PDHX: variants seen among roughly 807,000 people sequenced by gnomAD.
The protein encoded by PDHX is pyruvate dehydrogenase protein X component, mitochondrial.
In PDHX, 33 loss-of-function variants were observed where a neutral mutation model predicts 55.3. The ratio of observed to expected loss-of-function variants is 0.60; its 90% CI spans 0.45 to 0.80. The LOEUF (loss-of-function observed/expected upper bound fraction) is 0.80. Ranked by LOEUF, PDHX falls within the 30% of genes least tolerant of loss-of-function variation. The pLI is 0.00. For synonymous variants in PDHX, 226 were observed against 219.4 expected (o/e 1.03, Z -0.27); for missense variants, 622 against 619.9 (o/e 1.00, Z -0.04).
intron 3 of PDHX, among the ~76,000 whole-genome samples, chr11:34,955,372 G>A (rs1372943265): frequency 2.0e-5 from 3 of 152,108 alleles, no homozygotes; most frequent in Admixed American, 6.5e-5. Context: ...ACCTCTGAAA[G>A]ATCTCTGCAC....
At chr11:34,923,111 G>T (rs983777248) in intron 1 of PDHX, among the ~76,000 whole-genome samples, 3 of 151,944 alleles carry the variant, frequency 2.0e-5, no homozygotes, top group Non-Finnish European at 4.4e-5. Flanking sequence ...AAAAATTCTG[G>T]CTAACCTCTT....
intron 7 of PDHX, among the ~76,000 whole-genome samples, chr11:34,975,790 G>A (rs941788498): frequency 6.6e-6 from 1 of 152,130 alleles, no homozygotes; most frequent in African/African-American, 2.4e-5. Flanking sequence ...TTACGATTTT[G>A]TAATTTATCC....
intron 10 of PDHX, 51 bp from the exon 11 acceptor site, chr11:34,994,863 G>A: frequency 6.2e-7 from 1 of 1,605,844 alleles, no homozygotes; most frequent in South Asian, 1.1e-5. Flanking sequence ...CACGGAAAGG[G>A]GACTTTGATT....
At chr11:34,964,017 C>G (rs1339459630) in intron 5 of PDHX, among the ~76,000 whole-genome samples, 1 of 152,028 alleles carries the variant, frequency 6.6e-6, no homozygotes, top group Non-Finnish European at 1.5e-5. Context: ...CATGTCACAC[C>G]CAAATGAATT....
At chr11:34,952,575 A>G (rs573832707) in intron 3 of PDHX, among the ~76,000 whole-genome samples, 2 of 151,866 alleles carry the variant, frequency 1.3e-5, no homozygotes, top group East Asian at 1.9e-4. Context: ...TATACACAGA[A>G]CCAAAGACAA....
chr11:34,995,955 G>A lies in PDHX; in HGVS notation c.*783G>A, dbSNP rs751318367. 4.6e-5 allele frequency: 7 copies of A among 152,120 alleles called. No individual in the cohort carries two copies. The highest frequency in any genetic ancestry group is 7.4e-5 in the Non-Finnish European group (5 of 67,988). The allele number at this position is 152,120 out of a possible 1,614,324, so 9.4% of individuals were successfully genotyped here. ...GAGTCGGAATATATTTAAATAAATT[G>A]TGTTATCTCTTGCCAAACATTTTGT... On this transcript the variant is annotated 3_prime_UTR_variant, in exon 11 of 11. Transcript: ENST00000227868.
chr11:34,986,322 A>AAAAAG (rs1855641905), intron 9 of PDHX, among the ~76,000 whole-genome samples: 1 of 147,428 alleles, frequency 6.8e-6, no homozygotes. Context: ...AAAAAAAAAA[A>AAAAAG]AAAAGAAAGG....
At position 34,960,480 on chromosome 11, in the gene PDHX, G is replaced by A; in HGVS notation, c.603G>A (p.Gln201=). 1 of 1,613,200 alleles carries A rather than the reference G, an allele frequency of 6.2e-7. No homozygotes were observed. Among genetic ancestry groups the A allele is most frequent in the Non-Finnish European group, 8.5e-7 (1 of 1,179,388 alleles). ...ILEKHSLDAS[Q]GTATGPRGIF... ...AAAAACACTCACTGGATGCTAGCCA[G>A]GGCACAGCCACTGGCCCTCGGGGGA... Residue 201 remains glutamine, a synonymous_variant, in exon 5 of 11, where the codon CAG becomes CAA. Transcript: ENST00000227868.
chr11:34,922,896 GTGTA>G (rs879332472), intron 1 of PDHX, among the ~76,000 whole-genome samples: 25 of 65,544 alleles, frequency 3.8e-4, no homozygotes, highest in African/African-American at 8.9e-4. Context: ...GTGTGTGTGT[GTGTA>G]TGTATTCTTT....
chr11:34,916,457 T>C, upstream of PDHX: 1 of 1,461,886 alleles, frequency 6.8e-7, no homozygotes. Flanking sequence ...CCGGCTGAGA[T>C]ATCCAGCGGC....
At chr11:34,931,218 T>TA (rs1366989506) in intron 1 of PDHX, among the ~76,000 whole-genome samples, 186 bp from the exon 2 acceptor site, 3 of 152,190 alleles carry the variant, frequency 2.0e-5, no homozygotes, top group Non-Finnish European at 2.9e-5. Context: ...TTTGTGGTTA[T>TA]AAAAAATTGA....
chr11:34,985,225 G>C (rs929841797), intron 9 of PDHX, among the ~76,000 whole-genome samples: 1 of 152,158 alleles, frequency 6.6e-6, no homozygotes, highest in Non-Finnish European at 1.5e-5. Context: ...GGTGGATCCC[G>C]AGGTCAGGAG....
chr11:34,977,906 A>G, intron 7 of PDHX: 1 of 587,528 alleles, frequency 1.7e-6, no homozygotes, highest in Admixed American at 2.3e-5. Context: ...CAAGGCCCAG[A>G]AGTAAACTTA....
intron 1 of PDHX, among the ~76,000 whole-genome samples, chr11:34,924,491 G>T (rs1175062243): frequency 6.6e-6 from 1 of 152,170 alleles, no homozygotes; most frequent in Non-Finnish European, 1.5e-5. Flanking sequence ...AAAGTGCTGG[G>T]ATTACAGGCA....
chr11:34,994,973 A>G lies in PDHX; in HGVS notation c.1307A>G (p.Gln436Arg). ...TTTACTGCAGTGATTAACCCTCCTC[A>G]GGCCTGCATTTTGGCGGTTGGGAGG... is the stretch of plus-strand genomic sequence containing the variant. ...DEFTAVINPPQACILAVGRFR... is the reference protein window; with the variant it reads ...DEFTAVINPPRACILAVGRFR... The change falls in exon 11 of 11, where the codon CAG (glutamine) becomes CGG (arginine). Residue 436 changes from glutamine (Q) to arginine (R), a missense_variant. Transcript: ENST00000227868. 2 of 1,613,988 alleles carry G rather than the reference A, an allele frequency of 1.2e-6. No individual in the cohort carries two copies. The highest frequency in any genetic ancestry group is 1.7e-5 in the Admixed American group (1 of 59,984).
At chr11:34,992,187 T>C in intron 9 of PDHX, 128 bp from the exon 10 acceptor site, 3 of 622,926 alleles carry the variant, frequency 4.8e-6, no homozygotes, top group Non-Finnish European at 8.7e-6. Context: ...AAATTATTTT[T>C]ATATAGGTAA....
intron 1 of PDHX, among the ~76,000 whole-genome samples, chr11:34,919,397 T>G (rs1853819147): frequency 6.6e-6 from 1 of 152,256 alleles, no homozygotes; most frequent in South Asian, 2.1e-4. Flanking sequence ...TTGAACTGTT[T>G]CGTCTTTCAC....
intron 2 of PDHX, among the ~76,000 whole-genome samples, chr11:34,934,876 G>A (rs1854272169): frequency 6.6e-6 from 1 of 151,616 alleles, no homozygotes; most frequent in African/African-American, 2.4e-5. Context: ...ACCGCACCCA[G>A]CATAGGAATT....
chr11:34,978,039 C>T (rs1213946879), intron 7 of PDHX, 85 bp from the exon 8 acceptor site: 1 of 777,420 alleles, frequency 1.3e-6, no homozygotes. Flanking sequence ...CAGTACATTC[C>T]ATAATTTACA....
Sources: gnomAD v4.1 joint callset for allele counts (sites outside exome capture counted in the v4.1 genomes callset) on GRCh38, gnomAD v4.1.1 for gene constraint, MANE v1.5 for transcripts, NCBI Gene and HGNC (gene_info 2026-07-23, HGNC 2026-07-21) for gene names.